LRFN2: variants seen among roughly 807,000 people sequenced by gnomAD.
LRFN2 encodes the protein leucine-rich repeat and fibronectin type-III domain-containing protein 2.
In LRFN2, 18 loss-of-function variants were observed where a neutral mutation model predicts 37.3. That is an observed-to-expected ratio of 0.48 (90% confidence interval 0.33 to 0.72). LRFN2 has a LOEUF of 0.72. Among genes scored for constraint, LRFN2 ranks in the 30% least tolerant of loss-of-function variants. The pLI is 0.02. For synonymous variants in LRFN2, 556 were observed against 466.6 expected (o/e 1.19, Z -2.47); for missense variants, 1,006 against 1,060.7 (o/e 0.95, Z 0.72).
At chr6:40,540,975 A>C (rs1241718499) in intron 1 of LRFN2, among the ~76,000 whole-genome samples, 1 of 152,212 alleles carries the variant, frequency 6.6e-6, no homozygotes, top group Non-Finnish European at 1.5e-5. Context: ...CCGGCAAAGA[A>C]GGACAAGTGC....
chr6:40,410,462 C>A (rs1333758114), intron 2 of LRFN2, among the ~76,000 whole-genome samples: 1 of 152,140 alleles, frequency 6.6e-6, no homozygotes, highest in Non-Finnish European at 1.5e-5. Flanking sequence ...CCCATCTCCA[C>A]AATTTATTGA....
At chr6:40,485,985 G>GC (rs1194016021) in intron 1 of LRFN2, among the ~76,000 whole-genome samples, 3 of 152,226 alleles carry the variant, frequency 2.0e-5, no homozygotes, top group African/African-American at 7.2e-5. Context: ...GGGGAACTCA[G>GC]CCCCCACTGG....
chr6:40,488,570 C>T (rs1366507725), intron 1 of LRFN2, among the ~76,000 whole-genome samples: 2 of 152,204 alleles, frequency 1.3e-5, no homozygotes, highest in African/African-American at 4.8e-5. Flanking sequence ...TAGGCAGCTG[C>T]CTGCCATTCT....
intron 1 of LRFN2, among the ~76,000 whole-genome samples, chr6:40,505,841 C>T (rs556198194): frequency 2.0e-5 from 3 of 152,332 alleles, no homozygotes; most frequent in Admixed American, 6.5e-5. Flanking sequence ...TGGGTCTCCT[C>T]AGCTTGGCTG....
intron 1 of LRFN2, among the ~76,000 whole-genome samples, chr6:40,478,412 A>G (rs1764754551): frequency 6.6e-6 from 1 of 152,222 alleles, no homozygotes; most frequent in Non-Finnish European, 1.5e-5. Flanking sequence ...CCCCTTATAC[A>G]TTCATTTAAT....
intron 1 of LRFN2, among the ~76,000 whole-genome samples, chr6:40,582,129 G>A (rs576231022): frequency 6.6e-6 from 1 of 152,260 alleles, no homozygotes; most frequent in Admixed American, 6.5e-5. Context: ...GAGGGAGCCT[G>A]CTCCTCTGTG....
chr6:40,417,531 T>C (rs1287455473), intron 2 of LRFN2, among the ~76,000 whole-genome samples: 5 of 151,994 alleles, frequency 3.3e-5, no homozygotes, highest in African/African-American at 1.2e-4. Flanking sequence ...AGCAAAAATA[T>C]AAATAATTAC....
intron 1 of LRFN2, among the ~76,000 whole-genome samples, chr6:40,437,037 C>T (rs566920505): frequency 1.3e-5 from 2 of 152,186 alleles, no homozygotes; most frequent in African/African-American, 4.8e-5. Context: ...TGTTCTATGG[C>T]CCCATGAGAA....
chr6:40,512,141 C>T (rs1424156961), intron 1 of LRFN2, among the ~76,000 whole-genome samples: 1 of 152,170 alleles, frequency 6.6e-6, no homozygotes, highest in Non-Finnish European at 1.5e-5. Flanking sequence ...CTCCAACCCC[C>T]TTAAGGAGAA....
chr6:40,485,627 G>GC (rs1056969896), intron 1 of LRFN2, among the ~76,000 whole-genome samples: 20 of 152,326 alleles, frequency 1.3e-4, no homozygotes, highest in African/African-American at 4.3e-4. Context: ...CTGGCTCAGT[G>GC]CCCCCGAGGT....
intron 1 of LRFN2, among the ~76,000 whole-genome samples, chr6:40,510,833 C>T (rs112529085): frequency 2.0e-5 from 3 of 152,122 alleles, no homozygotes; most frequent in Non-Finnish European, 1.5e-5. Flanking sequence ...ACGGGGTTCT[C>T]GGCTTATAGA....
intron 1 of LRFN2, among the ~76,000 whole-genome samples, chr6:40,498,356 C>A (rs576170794): frequency 4.3e-4 from 66 of 152,276 alleles, no homozygotes; most frequent in African/African-American, 1.5e-3. Flanking sequence ...ACAATTAACA[C>A]CCAGATTCAG....
At chr6:40,458,606 C>T (rs1191286181) in intron 1 of LRFN2, among the ~76,000 whole-genome samples, 1 of 152,196 alleles carries the variant, frequency 6.6e-6, no homozygotes, top group Non-Finnish European at 1.5e-5. Context: ...TGCTAACAGA[C>T]CCCATCCCTC....
intron 1 of LRFN2, 90 bp from the exon 2 acceptor site, chr6:40,433,221 CT>C: frequency 9.0e-7 from 1 of 1,117,020 alleles, no homozygotes; most frequent in Non-Finnish European, 1.2e-6. Flanking sequence ...CCCTCACTGC[CT>C]TAGGGAGTGG....
At chr6:40,427,680 CAGAGTTGTATAGGG>C (rs1318494413) in intron 2 of LRFN2, among the ~76,000 whole-genome samples, 1 of 152,202 alleles carries the variant, frequency 6.6e-6, no homozygotes, top group African/African-American at 2.4e-5. Context: ...AAAGTCTTTC[CAGAGTTGTATAGGG>C]ACTCCATGTC....
intron 1 of LRFN2, among the ~76,000 whole-genome samples, chr6:40,515,550 A>G (rs1427077892): frequency 6.6e-6 from 1 of 152,082 alleles, no homozygotes; most frequent in Non-Finnish European, 1.5e-5. Flanking sequence ...ACCTGCCCAC[A>G]TGGTAGGTCA....
chr6:40,523,238 A>G (rs1210728403), intron 1 of LRFN2, among the ~76,000 whole-genome samples: 2 of 152,110 alleles, frequency 1.3e-5, no homozygotes, highest in Admixed American at 1.3e-4. Context: ...ATGCATGGTG[A>G]ATTTGAACCC....
At chr6:40,549,448 T>C (rs1766728124) in intron 1 of LRFN2, among the ~76,000 whole-genome samples, 2 of 152,268 alleles carry the variant, frequency 1.3e-5, no homozygotes, top group South Asian at 2.1e-4. Flanking sequence ...TTGGAATAAA[T>C]TGATTACTTC....
At chr6:40,493,405 C>T (rs1765140210) in intron 1 of LRFN2, among the ~76,000 whole-genome samples, 2 of 152,194 alleles carry the variant, frequency 1.3e-5, no homozygotes. Flanking sequence ...TTCTATATTC[C>T]AGGCTAGGTG....
Sources: allele counts gnomAD v4.1 joint callset (sites outside exome capture counted in the v4.1 genomes callset), GRCh38; gene constraint gnomAD v4.1.1; transcripts MANE v1.5; gene names NCBI Gene and HGNC (gene_info 2026-07-23, HGNC 2026-07-21).